ARHGEF17: variants seen among roughly 807,000 people sequenced by gnomAD.
ARHGEF17 encodes the protein 164 kDa Rho-specific guanine-nucleotide exchange factor.
ARHGEF17 carries 80 observed loss-of-function variants against 174.0 expected under a neutral mutation model. That is an observed-to-expected ratio of 0.46 (90% CI 0.38 to 0.55). The LOEUF is 0.55. Ranked by LOEUF, ARHGEF17 falls within the 20% of genes least tolerant of loss-of-function variation. The probability of loss-of-function intolerance (pLI) is 0.00; values close to 1 mark genes in which losing one functional copy is unlikely to be tolerated. For synonymous variants in ARHGEF17, 1,311 were observed against 1,189.1 expected (o/e 1.10, Z -2.11); for missense variants, 2,886 against 2,839.7 (o/e 1.02, Z -0.37).
intron 1 of ARHGEF17, among the ~76,000 whole-genome samples, chr11:73,333,138 T>C (rs1865235289): frequency 6.6e-6 from 1 of 152,162 alleles, no homozygotes; most frequent in South Asian, 2.1e-4. Context: ...AACTCTAAGG[T>C]ACTGGGTGGT....
At chr11:73,355,822 C>T (rs747874513) in intron 4 of ARHGEF17, 39 bp from the exon 5 acceptor site, 2 of 1,610,700 alleles carry the variant, frequency 1.2e-6, no homozygotes, top group Non-Finnish European at 1.7e-6. Context: ...GTCTTCCTGG[C>T]ATGTCATTCC....
rs555168953 is a variant in ARHGEF17, at chr11:73,323,197, G to A, written c.3192+11367G>A. ...GCCACACCTGCAGTCTGGCCCTCCT[G>A]GGAGAGGCCTAATGGAGGGAGCATG... On this transcript the variant is annotated intron_variant, in intron 1 of 20. Transcript: ENST00000263674. Among the ~76,000 whole-genome samples, 123 of 152,284 alleles carry A rather than the reference G, an allele frequency of 8.1e-4. 1 individual carries two copies. The highest frequency in any genetic ancestry group is 2.8e-3 in the African/African-American group (118 of 41,544).
At chr11:73,314,350 A>T (rs1355707476) in intron 1 of ARHGEF17, among the ~76,000 whole-genome samples, 1 of 151,946 alleles carries the variant, frequency 6.6e-6, no homozygotes, top group African/African-American at 2.4e-5. Context: ...GGCTGTAGGG[A>T]GTCCTTCACC....
intron 1 of ARHGEF17, among the ~76,000 whole-genome samples, chr11:73,328,215 C>T (rs1399789475): frequency 6.6e-6 from 1 of 152,144 alleles, no homozygotes; most frequent in Admixed American, 6.5e-5. Context: ...ATGAGCTGAG[C>T]TCCCTGAGGG....
At chr11:73,358,415 TC>T in intron 9 of ARHGEF17, among the ~76,000 whole-genome samples, 1 of 148,906 alleles carries the variant, frequency 6.7e-6, no homozygotes. Flanking sequence ...CACGATGGTT[TC>T]CCCCTCATGA....
At position 73,329,357 on chromosome 11, in the gene ARHGEF17, ATATATATATATATATATTTT is replaced by A. The variant is rs1236393680; in HGVS notation, c.3193-17524_3193-17505del. On this transcript the variant is annotated intron_variant, in intron 1 of 20. Transcript: ENST00000263674. Reference sequence around the variant, plus strand: ...TATATATATATATATATATATATATATATATATATATATATATTTTTTTTTTTTTTTTGTATTTTGGGTTT... The same window carrying A: ...TATATATATATATATATATATATATATTTTTTTTTTTTGTATTTTGGGTTT... 2.9e-3 allele frequency among the ~76,000 whole-genome samples: 12 copies of A among 4,132 alleles called. 2 individuals are homozygous for A. The highest frequency in any genetic ancestry group is 1.0e-2 in the African/African-American group (10 of 1,002). The allele number at this position is 4,132 out of a possible 152,430, so 2.7% of individuals were successfully genotyped here.
rs777566766 is a variant in ARHGEF17, at chr11:73,309,210, C to A, written c.572C>A (p.Pro191Gln). The change falls in exon 1 of 21, where the codon CCG becomes CAG. Residue 191 changes from proline (P) to glutamine (Q), a missense_variant. Pro to Gln is a moderately conservative substitution (Grantham distance 76). Transcript: ENST00000263674. ...CGTTCGGCGCGGCCCCTGACCGGGCCGGAGACCGAAGGGAGGCTGCGCCGG... is the reference window on the plus strand; with the variant it reads ...CGTTCGGCGCGGCCCCTGACCGGGCAGGAGACCGAAGGGAGGCTGCGCCGG... Reference protein sequence around the residue: ...GLRSARPLTGPETEGRLRRPQ... With the variant: ...GLRSARPLTGQETEGRLRRPQ... The A allele has an allele frequency of 8.1e-6, 13 of 1,597,162 alleles. No individual in the cohort carries two copies. In the South Asian group the frequency reaches 1.4e-4, roughly 18 times the overall value.
At chr11:73,353,211 G>A (rs1865585175) in intron 3 of ARHGEF17, 199 bp downstream of exon 3, 1 of 679,962 alleles carries the variant, frequency 1.5e-6, no homozygotes, top group Non-Finnish European at 2.4e-6. Context: ...CTACCCCAAA[G>A]CTTGGCCAGA....
chr11:73,362,343 G>T (rs1364017676), intron 13 of ARHGEF17, 90 bp from the exon 14 acceptor site: 5 of 1,444,914 alleles, frequency 3.5e-6, no homozygotes, highest in Non-Finnish European at 4.5e-6. Context: ...GGCGGGGCCC[G>T]GCGAGTGTGG....
intron 1 of ARHGEF17, among the ~76,000 whole-genome samples, chr11:73,313,232 G>A (rs947589888): frequency 1.3e-5 from 2 of 152,112 alleles, no homozygotes; most frequent in Non-Finnish European, 2.9e-5. Context: ...GGGGAGCGGG[G>A]CGTTTTGAAC....
Position 73,311,465 on chromosome 11 carries a change from C to T in ARHGEF17, c.2827C>T (p.Gln943Ter), listed in dbSNP as rs1864832998. 6.2e-7 allele frequency: 1 copy of T among 1,613,244 alleles called. No individual in the cohort carries two copies. Among genetic ancestry groups the T allele is most frequent in the Non-Finnish European group, 8.5e-7 (1 of 1,180,042 alleles). Residue 943 changes from glutamine (Q) to a stop codon, truncating the protein, a stop_gained, in exon 1 of 21, where the codon CAG becomes TAG. Transcript: ENST00000263674. LOFTEE classifies it high-confidence loss of function. ...TCGGAGAGACGAGGGCAGTCAGGACCAGACTGGCAGCCTGTCTCGGGCCCG... is the reference window on the plus strand; with the variant it reads ...TCGGAGAGACGAGGGCAGTCAGGACTAGACTGGCAGCCTGTCTCGGGCCCG... The part of the protein sequence containing the change: ...ELRRDEGSQD[Q>*]TGSLSRARPS...
At chr11:73,324,842 A>G (rs1865075747) in intron 1 of ARHGEF17, among the ~76,000 whole-genome samples, 1 of 152,196 alleles carries the variant, frequency 6.6e-6, no homozygotes, top group South Asian at 2.1e-4. Flanking sequence ...TGCTCAGTAA[A>G]TATTAGTTGA....
chr11:73,343,291 G>GAGGGGC (rs1865405071), intron 1 of ARHGEF17: 1 of 398,046 alleles, frequency 2.5e-6, no homozygotes, highest in African/African-American at 2.1e-5. Flanking sequence ...CGGGGAGGGG[G>GAGGGGC]AGGGGCAGCC....
At chr11:73,320,407 G>A (rs1565189848) in intron 1 of ARHGEF17, among the ~76,000 whole-genome samples, 10 of 151,704 alleles carry the variant, frequency 6.6e-5, no homozygotes, top group Admixed American at 5.2e-4. Context: ...AGGCCGAGGC[G>A]GGCGGATCAC....
In ARHGEF17 at chr11:73,348,973, GGGACAAA is replaced by G. The variant is rs572513724; in HGVS notation, c.3270+2016_3270+2022del. On this transcript the variant is annotated intron_variant, in intron 2 of 20. Transcript: ENST00000263674. ...ATGGCTCCCAGCAGAGGGTATGTCA[GGGACAAA>G]GGCCAGGAGGCTGGAAGGAACCTAG... is the stretch of plus-strand genomic sequence containing the variant. 9.5e-4 allele frequency among the ~76,000 whole-genome samples: 145 copies of G among 152,268 alleles called. 1 individual carries two copies. The highest frequency in any genetic ancestry group is 1.7e-3 in the Non-Finnish European group (116 of 68,014).
rs1865796070 is a variant in ARHGEF17, at chr11:73,364,080, G to A, written c.5334-92G>A. On this transcript the variant is annotated intron_variant, in intron 16 of 20. Transcript: ENST00000263674. ...GGTGGGAAGAGGTGGCCTCTCGGGAGCCATACCCATTCTATCTGTGGTTCC... is the reference window on the plus strand; with the variant it reads ...GGTGGGAAGAGGTGGCCTCTCGGGAACCATACCCATTCTATCTGTGGTTCC... 5 of 1,357,122 alleles carry A rather than the reference G, an allele frequency of 3.7e-6. No homozygotes were observed. In the East Asian group the frequency reaches 9.2e-5, roughly 25 times the overall value. The allele number at this position is 1,357,122 out of a possible 1,614,324, so 84.1% of individuals were successfully genotyped here. A position where few individuals can be genotyped will look rare whatever the true frequency, so the allele number is the denominator to read the frequency against.
In ARHGEF17 at chr11:73,309,096, C is replaced by G; in HGVS notation, c.458C>G (p.Pro153Arg). The change falls in exon 1 of 21, where the codon CCC (proline) becomes CGC (arginine). Residue 153 changes from proline to arginine, a missense_variant. Pro to Arg is a moderately radical substitution (Grantham distance 103, BLOSUM62 -2). This residue lies in a region of ARHGEF17 where 1,728 missense variants were observed against 1,461.2 expected (regional missense o/e 1.18). Coordinates refer to ENST00000263674, the MANE Select transcript of ARHGEF17 (RefSeq NM_014786.4). The stretch of plus-strand genomic sequence containing the variant: ...TCTGAATCCCCAGGAACGCCCAGCC[C>G]CGACGGTGCCGCGTGGGAGCCTCCG... ...ADSESPGTPS[P>R]DGAAWEPPAR... 1 of 1,549,926 alleles carries G rather than the reference C, an allele frequency of 6.5e-7. No homozygotes were observed.
At chr11:73,354,914 G>A (rs1049202792) in intron 3 of ARHGEF17, among the ~76,000 whole-genome samples, 1 of 152,258 alleles carries the variant, frequency 6.6e-6, no homozygotes. Context: ...CCTGCCCTGA[G>A]CTGGGCTTTA....
chr11:73,311,366 GC>G lies in ARHGEF17; in HGVS notation c.2729del (p.Ala910ValfsTer8), dbSNP rs1565185508. The G allele has an allele frequency of 6.2e-7, 1 of 1,613,276 alleles. No homozygotes were observed. The highest frequency in any genetic ancestry group is 8.5e-7 in the Non-Finnish European group (1 of 1,180,034). On this transcript the variant is annotated frameshift_variant, in exon 1 of 21. Coordinates refer to ENST00000263674, the MANE Select transcript of ARHGEF17 (RefSeq NM_014786.4). LOFTEE classifies it high-confidence loss of function. ...HRNFHLDPKLADILSPRLIRR... is the reference protein window; with the variant it reads ...HRNFHLDPKLXDILSPRLIRR... ...AAACTTTCACCTTGACCCCAAGCTG[GC>G]TGACATTCTGTCCCCGAGGCTAATC...
Sources: allele counts gnomAD v4.1 joint callset (sites outside exome capture counted in the v4.1 genomes callset), GRCh38; gene constraint gnomAD v4.1.1; regional missense constraint gnomAD v4.1.1; transcripts MANE v1.5; gene names NCBI Gene and HGNC (gene_info 2026-07-23, HGNC 2026-07-21).